TCF24: variants seen among roughly 807,000 people sequenced by gnomAD.
TCF24 encodes the protein transcription factor 24.
Under a neutral mutation model 9.3 loss-of-function variants are expected in TCF24, and 5 were observed. The ratio of observed to expected loss-of-function variants is 0.54; its 90% CI spans 0.28 to 1.13. The LOEUF is 1.13. TCF24 is among the 50% of genes most tolerant of loss of function. The pLI is 0.09. For synonymous variants in TCF24, 110 were observed against 115.8 expected, an observed-to-expected ratio of 0.95 and a Z score of 0.32; for missense variants, 220 against 236.1, an observed-to-expected ratio of 0.93 and a Z score of 0.45.
At chr8:66,954,519 A>C (rs1280114581) in intron 3 of TCF24, among the ~76,000 whole-genome samples, 1 of 152,248 alleles carries the variant, frequency 6.6e-6, no homozygotes, top group Non-Finnish European at 1.5e-5. Flanking sequence ...GGGACATTTG[A>C]GTCTGCAGAG....
In TCF24 at chr8:66,961,943, C is replaced by T. The variant is rs937542810; in HGVS notation, c.-90G>A. 2.9e-5 allele frequency: 11 copies of T among 379,392 alleles called. No homozygotes were observed. Among genetic ancestry groups the T allele is most frequent in the Non-Finnish European group, 4.1e-5 (11 of 268,418 alleles). 23.5% of individuals were successfully genotyped at this position (379,392 alleles called of 1,614,324 possible). On this transcript the variant is annotated 5_prime_UTR_variant, in exon 2 of 4. Coordinates refer to ENST00000563496, the MANE Select transcript of TCF24 (RefSeq NM_001193502.2). Reference sequence around the variant, plus strand: ...TTTTGCCTGGGACGCGATTTGCTTCCGGACGTCTGGGGAGAGTTGCGGAAC... The same window carrying T: ...TTTTGCCTGGGACGCGATTTGCTTCTGGACGTCTGGGGAGAGTTGCGGAAC...
chr8:66,954,732 T>C (rs993754916), intron 3 of TCF24, among the ~76,000 whole-genome samples: 1 of 152,260 alleles, frequency 6.6e-6, no homozygotes, highest in African/African-American at 2.4e-5. Flanking sequence ...ACTGCTGTGC[T>C]AGCAATCAGT....
At position 66,961,582 on chromosome 8, in the gene TCF24, C is replaced by A. The variant is rs1056415562; in HGVS notation, c.184G>T (p.Val62Leu). ...AGGAAAGCGTGCCGCAGGGTCTGCA[C>A]CCGGCTGCGCTCCCGCGCCGCATTC... ...AANAARERSR[V>L]QTLRHAFLEL... The change falls in exon 3 of 4, where the codon GTG becomes TTG. Residue 62 changes from valine to leucine, a missense_variant. Val to Leu is a conservative substitution (Grantham distance 32, BLOSUM62 1). Coordinates refer to ENST00000563496, the MANE Select transcript of TCF24 (RefSeq NM_001193502.2). 4.9e-5 allele frequency: 69 copies of A among 1,402,552 alleles called. No individual in the cohort carries two copies. Among genetic ancestry groups the A allele is most frequent in the Admixed American group, 8.3e-5 (3 of 36,322 alleles). 86.9% of individuals were successfully genotyped at this position (1,402,552 alleles called of 1,614,324 possible). A position where few individuals can be genotyped will look rare whatever the true frequency, so the allele number is the denominator to read the frequency against.
At position 66,961,321 on chromosome 8, in the gene TCF24, A is replaced by T; in HGVS notation, c.390+55T>A. On this transcript the variant is annotated intron_variant, in intron 3 of 3. Transcript: ENST00000563496. ...TACCCAAGACGGTGACTGGCAGGGC[A>T]GATCAAGGTGTCCTGGTCTCGGCCC... is the stretch of plus-strand genomic sequence containing the variant. 4.3e-6 allele frequency: 6 copies of T among 1,386,222 alleles called. No homozygotes were observed. The South Asian group carries it at 9.5e-5, about 22-fold the overall frequency. 85.9% of individuals were successfully genotyped at this position (1,386,222 alleles called of 1,614,324 possible).
chr8:66,954,558 C>T (rs1166538035), intron 3 of TCF24, among the ~76,000 whole-genome samples: 1 of 152,234 alleles, frequency 6.6e-6, no homozygotes, highest in African/African-American at 2.4e-5. Context: ...TTTGTCTGTG[C>T]CCTGCCCCCA....
intron 3 of TCF24, among the ~76,000 whole-genome samples, chr8:66,949,278 C>T (rs1022628868): frequency 6.6e-6 from 1 of 151,942 alleles, no homozygotes; most frequent in African/African-American, 2.4e-5. Context: ...CCACAGTCCC[C>T]AGAGTGTGAT....
chr8:66,961,329 G>T (rs796144531), intron 3 of TCF24, 47 bp downstream of exon 3: 1 of 1,396,644 alleles, frequency 7.2e-7, no homozygotes. Flanking sequence ...GCAGATCAAG[G>T]TGTCCTGGTC....
At chr8:66,953,196 A>G (rs376837268) in intron 3 of TCF24, among the ~76,000 whole-genome samples, 9 of 152,048 alleles carry the variant, frequency 5.9e-5, no homozygotes, top group South Asian at 2.1e-4. Context: ...AGTCTCGATG[A>G]TCTTTACATT....
rs1814250615 is a variant in TCF24 at position 66,961,427 on chromosome 8, C to T, written c.339G>A (p.Ala113=). The T allele has an allele frequency of 6.6e-7, 1 of 1,519,640 alleles. No homozygotes were observed. The highest frequency in any genetic ancestry group is 8.8e-7 in the Non-Finnish European group (1 of 1,140,014). The allele number at this position is 1,519,640 out of a possible 1,614,324, so 94.1% of individuals were successfully genotyped here. A position where few individuals can be genotyped will look rare whatever the true frequency, so the allele number is the denominator to read the frequency against. The part of the protein sequence containing the change: ...RSLQDDAEAP[A]DAGLGALRGD... The stretch of plus-strand genomic sequence containing the variant: ...CGCGCAGGGCGCCCAACCCGGCGTC[C>T]GCCGGCGCCTCGGCGTCGTCCTGCA... The change falls in exon 3 of 4, where the codon GCG becomes GCA. Residue 113 remains alanine (A), a synonymous_variant. Transcript: ENST00000563496.
intron 3 of TCF24, 23 bp from the exon 4 acceptor site, chr8:66,948,187 G>T: frequency 6.6e-7 from 1 of 1,504,688 alleles, no homozygotes; most frequent in Non-Finnish European, 8.9e-7. Context: ...ATTTCAACAA[G>T]AATTCAAAAG....
intron 1 of TCF24, 119 bp from the exon 2 acceptor site, chr8:66,962,106 C>G (rs1006119009): frequency 1.3e-5 from 2 of 152,646 alleles, no homozygotes; most frequent in African/African-American, 4.8e-5. Flanking sequence ...AGCACTCGTT[C>G]GCGCTTGGGT....
intron 3 of TCF24, among the ~76,000 whole-genome samples, chr8:66,949,101 T>C (rs574704650): frequency 6.6e-6 from 1 of 152,292 alleles, no homozygotes; most frequent in African/African-American, 2.4e-5. Flanking sequence ...TAGCTCTTTT[T>C]TTTTCTTTTT....
At position 66,950,347 on chromosome 8, in the gene TCF24, C is replaced by T. The variant is rs1330860854; in HGVS notation, c.391-2183G>A. Among the ~76,000 whole-genome samples the T allele has an allele frequency of 4.0e-5, 6 of 151,570 alleles. No homozygotes were observed. The South Asian group carries it at 1.0e-3, about 26-fold the overall frequency. ...TATGGCTAGCCAGTTTTCCCAGCAC[C>T]ATTTATTAAATAGGGAATCCTTTCC... On this transcript the variant is annotated intron_variant, in intron 3 of 3. Coordinates refer to ENST00000563496, the MANE Select transcript of TCF24 (RefSeq NM_001193502.2).
chr8:66,950,674 C>T (rs1254857807), intron 3 of TCF24, among the ~76,000 whole-genome samples: 1 of 152,258 alleles, frequency 6.6e-6, no homozygotes, highest in South Asian at 2.1e-4. Context: ...CTGTAAATTA[C>T]CTTGGGCAGT....
At chr8:66,948,504 T>G (rs917375433) in intron 3 of TCF24, among the ~76,000 whole-genome samples, 9 of 152,168 alleles carry the variant, frequency 5.9e-5, no homozygotes, top group Admixed American at 2.0e-4. Flanking sequence ...TAAAACAAAA[T>G]TAAGACTAAA....
chr8:66,953,374 T>C (rs1391848134), intron 3 of TCF24, among the ~76,000 whole-genome samples: 4 of 151,028 alleles, frequency 2.6e-5, no homozygotes, highest in African/African-American at 9.7e-5. Flanking sequence ...TGGCTGGATA[T>C]GAAATTCTGG....
intron 3 of TCF24, among the ~76,000 whole-genome samples, chr8:66,955,973 A>C (rs1439882537): frequency 7.2e-5 from 11 of 151,998 alleles, no homozygotes. Context: ...ATTCTGCTGC[A>C]CAGGCTGGAG....
chr8:66,959,084 T>C (rs961388983), intron 3 of TCF24, among the ~76,000 whole-genome samples: 2 of 152,220 alleles, frequency 1.3e-5, no homozygotes, highest in African/African-American at 4.8e-5. Context: ...GCCTCCCCAG[T>C]AGCTGGGACT....
chr8:66,959,426 A>C (rs1021243136), intron 3 of TCF24, among the ~76,000 whole-genome samples: 2 of 152,252 alleles, frequency 1.3e-5, no homozygotes, highest in Non-Finnish European at 2.9e-5. Flanking sequence ...AAGGTAGACA[A>C]TGTTTAAACA....
Sources: gnomAD v4.1 joint callset for allele counts (sites outside exome capture counted in the v4.1 genomes callset) on GRCh38, gnomAD v4.1.1 for gene constraint, MANE v1.5 for transcripts, NCBI Gene and HGNC (gene_info 2026-07-23, HGNC 2026-07-21) for gene names.